The following PACS1 variants were observed in gnomAD, a reference collection of about 807,000 sequenced individuals.
PACS1 encodes PACS-1.
PACS1 carries 24 observed loss-of-function variants against 115.0 expected under a neutral mutation model. The ratio of observed to expected loss-of-function variants is 0.21; its 90% CI spans 0.15 to 0.29. The LOEUF (loss-of-function observed/expected upper bound fraction) is 0.29, where lower values mean the gene tolerates loss of function less well. Ranked by LOEUF, PACS1 falls within the 10% of genes least tolerant of loss-of-function variation. The pLI is 1.00. For synonymous variants in PACS1, 453 were observed against 504.5 expected, an observed-to-expected ratio of 0.90 and a Z score of 1.37; for missense variants, 838 against 1,251.2, an observed-to-expected ratio of 0.67 and a Z score of 4.98.
chr11:66,182,362 G>A (rs1206217653), intron 1 of PACS1, among the ~76,000 whole-genome samples: 1 of 152,102 alleles, frequency 6.6e-6, no homozygotes, highest in Non-Finnish European at 1.5e-5. Flanking sequence ...TCTGTTTATT[G>A]TTTAGGCTTA....
chr11:66,196,799 T>C (rs1854662027), intron 2 of PACS1, among the ~76,000 whole-genome samples: 1 of 152,136 alleles, frequency 6.6e-6, no homozygotes, highest in South Asian at 2.1e-4. Flanking sequence ...GGTTTTACCA[T>C]GTTGGCCAGG....
intron 1 of PACS1, among the ~76,000 whole-genome samples, chr11:66,150,862 T>C (rs1229139252): frequency 1.3e-5 from 2 of 152,120 alleles, no homozygotes. Flanking sequence ...AACACTATAA[T>C]AGAAGGAGCA....
At chr11:66,118,267 G>T (rs976642235) in intron 1 of PACS1, among the ~76,000 whole-genome samples, 1 of 152,192 alleles carries the variant, frequency 6.6e-6, no homozygotes, top group African/African-American at 2.4e-5. Context: ...ATGCCATTGA[G>T]CCACTATCAA....
At chr11:66,124,326 A>G (rs1407963919) in intron 1 of PACS1, among the ~76,000 whole-genome samples, 1 of 152,210 alleles carries the variant, frequency 6.6e-6, no homozygotes, top group Non-Finnish European at 1.5e-5. Context: ...CTGTGGACAT[A>G]ATGGCTTTGG....
At chr11:66,161,149 T>C (rs1421287151) in intron 1 of PACS1, among the ~76,000 whole-genome samples, 2 of 152,116 alleles carry the variant, frequency 1.3e-5, no homozygotes, top group Admixed American at 6.5e-5. Flanking sequence ...ATGGCCAAAG[T>C]TTAAAGAAAT....
rs188387486 is a variant in PACS1 at position 66,212,021 on chromosome 11, G to C, written c.660+762G>C. Among the ~76,000 whole-genome samples the C allele has an allele frequency of 1.6e-3, 244 of 152,282 alleles. 2 individuals are homozygous for C. The highest frequency in any genetic ancestry group is 2.4e-4 in the Non-Finnish European group (16 of 68,016). On this transcript the variant is annotated intron_variant, in intron 4 of 23. Coordinates refer to ENST00000320580, the MANE Select transcript of PACS1 (RefSeq NM_018026.4). ...GTTGCCTCAAGATTAGATTCCACCTGTGTGTTTCTGGCAGCATTACCACAG... is the reference window on the plus strand; with the variant it reads ...GTTGCCTCAAGATTAGATTCCACCTCTGTGTTTCTGGCAGCATTACCACAG...
chr11:66,141,898 C>T (rs1414460150), intron 1 of PACS1, among the ~76,000 whole-genome samples: 3 of 151,724 alleles, frequency 2.0e-5, no homozygotes, highest in Non-Finnish European at 2.9e-5. Flanking sequence ...CTCTGTCTCC[C>T]GGGTTCAAGC....
intron 7 of PACS1, among the ~76,000 whole-genome samples, chr11:66,218,981 C>A (rs930651993): frequency 3.9e-5 from 6 of 152,014 alleles, no homozygotes; most frequent in African/African-American, 9.7e-5. Context: ...TAGAAACAGG[C>A]AGACCCAGGC....
In PACS1 at chr11:66,128,303, A is replaced by G. The variant is rs1490874863; in HGVS notation, c.356+57461A>G. On this transcript the variant is annotated intron_variant, in intron 1 of 23. Transcript: ENST00000320580. The stretch of plus-strand genomic sequence containing the variant: ...ATCTTATATTGAATATTGACAACAA[A>G]TAATTAAATTTAAAAAATTTGTTAG... Among the ~76,000 whole-genome samples the G allele has an allele frequency of 2.6e-5, 4 of 152,246 alleles. No homozygotes were observed. In the South Asian group the frequency reaches 8.3e-4, roughly 31 times the overall value.
intron 4 of PACS1, among the ~76,000 whole-genome samples, chr11:66,215,902 A>AAATAATAAT (rs71461611): frequency 2.2e-5 from 3 of 137,004 alleles, no homozygotes; most frequent in Non-Finnish European, 4.7e-5. Context: ...TCCGTCTCAA[A>AAATAATAAT]AATAATAATA....
chr11:66,219,163 T>C (rs1178099508), intron 7 of PACS1, among the ~76,000 whole-genome samples: 1 of 151,838 alleles, frequency 6.6e-6, no homozygotes. Flanking sequence ...AGCTGAAGGC[T>C]GTTGCTATGA....
intron 10 of PACS1, among the ~76,000 whole-genome samples, chr11:66,223,523 A>G (rs908716190): frequency 2.0e-5 from 3 of 152,026 alleles, no homozygotes; most frequent in Admixed American, 2.0e-4. Flanking sequence ...CTCACATGGA[A>G]CTGCTGAATG....
chr11:66,141,881 C>T (rs569145830), intron 1 of PACS1, among the ~76,000 whole-genome samples: 5 of 151,914 alleles, frequency 3.3e-5, no homozygotes, highest in South Asian at 2.1e-4. Flanking sequence ...TCTCAGCTCA[C>T]GGCAGCCTCT....
intron 1 of PACS1, among the ~76,000 whole-genome samples, chr11:66,121,850 A>G (rs548320984): frequency 6.6e-6 from 1 of 152,342 alleles, no homozygotes; most frequent in East Asian, 1.9e-4. Context: ...AAGCAACATA[A>G]AAATGCAGGG....
intron 2 of PACS1, among the ~76,000 whole-genome samples, chr11:66,197,628 T>C (rs1854679316): frequency 6.6e-6 from 1 of 151,986 alleles, no homozygotes; most frequent in Admixed American, 6.6e-5. Context: ...ACCCCATCTT[T>C]ACCAAAAATA....
At chr11:66,186,030 G>A (rs1025387622) in intron 1 of PACS1, among the ~76,000 whole-genome samples, 1 of 152,076 alleles carries the variant, frequency 6.6e-6, no homozygotes, top group Admixed American at 6.6e-5. Context: ...ACTTTGGGAG[G>A]CCGAGGCAGG....
chr11:66,073,561 C>T (rs961195416), intron 1 of PACS1, among the ~76,000 whole-genome samples: 2 of 152,038 alleles, frequency 1.3e-5, no homozygotes, highest in South Asian at 2.1e-4. Flanking sequence ...AAAAAAATAC[C>T]GTTTCCTGTA....
At chr11:66,071,340 C>A (rs1214780146) in intron 1 of PACS1, among the ~76,000 whole-genome samples, 1 of 152,196 alleles carries the variant, frequency 6.6e-6, no homozygotes, top group Non-Finnish European at 1.5e-5. Flanking sequence ...ATTTGAACTT[C>A]ATATTACACA....
At chr11:66,217,185 A>G in intron 7 of PACS1, 1 of 285,024 alleles carries the variant, frequency 3.5e-6, no homozygotes, top group Non-Finnish European at 6.8e-6. Context: ...AGGCAGAGAT[A>G]ATAGGCTAGT....
Sources: gnomAD v4.1 joint callset for allele counts (sites outside exome capture counted in the v4.1 genomes callset) on GRCh38, gnomAD v4.1.1 for gene constraint, MANE v1.5 for transcripts, NCBI Gene and HGNC (gene_info 2026-07-23, HGNC 2026-07-21) for gene names.